GRIP2: variants seen among roughly 807,000 people sequenced by gnomAD.
GRIP2 encodes glutamate receptor-interacting protein 2.
A neutral mutation model predicts 108.3 loss-of-function variants in GRIP2; 58 were observed. That is an observed-to-expected ratio of 0.54 (90% CI 0.43 to 0.67). The LOEUF is 0.67. Among genes scored for constraint, GRIP2 ranks in the 30% least tolerant of loss-of-function variants. The pLI, the probability that GRIP2 is intolerant of heterozygous loss-of-function variation, is 0.00. For synonymous variants in GRIP2, 586 were observed against 598.2 expected (o/e 0.98, Z 0.30); for missense variants, 1,278 against 1,430.6 (o/e 0.89, Z 1.72).
chr3:14,546,625 G>C (rs1041351299), upstream of GRIP2, among the ~76,000 whole-genome samples: 2 of 152,108 alleles, frequency 1.3e-5, no homozygotes, highest in Non-Finnish European at 2.9e-5. Context: ...TGCAAAACAG[G>C]AAGAAAAAGA....
intron 11 of GRIP2, among the ~76,000 whole-genome samples, chr3:14,515,774 C>G (rs1003801466): frequency 6.6e-6 from 1 of 151,998 alleles, no homozygotes; most frequent in African/African-American, 2.4e-5. Flanking sequence ...GGATTACAGG[C>G]GTGTGCCACC....
At chr3:14,502,631 G>A (rs1428905143) in intron 21 of GRIP2, among the ~76,000 whole-genome samples, 2 of 152,256 alleles carry the variant, frequency 1.3e-5, no homozygotes, top group African/African-American at 4.8e-5. Context: ...AAGTGCATTT[G>A]CAAAATCTGG....
At chr3:14,517,308 G>C in intron 10 of GRIP2, 95 bp from the exon 11 acceptor site, 3 of 1,280,622 alleles carry the variant, frequency 2.3e-6, no homozygotes, top group Non-Finnish European at 3.2e-6. Context: ...CACAGGGAGA[G>C]ATGGGGATGC....
the GRIP2 span, among the ~76,000 whole-genome samples, chr3:14,593,293 A>G: frequency 6.6e-6 from 1 of 152,256 alleles, no homozygotes; most frequent in Non-Finnish European, 1.5e-5. Flanking sequence ...TTGCTCCAAA[A>G]GCCACTCCGA....
chr3:14,509,762 G>C, intron 17 of GRIP2, 58 bp downstream of exon 17: 1 of 1,338,530 alleles, frequency 7.5e-7, no homozygotes, highest in South Asian at 2.1e-5. Context: ...CATAGCCCCA[G>C]CTCTTGCTTC....
intron 1 of GRIP2, among the ~76,000 whole-genome samples, chr3:14,551,029 G>C (rs140052105): frequency 2.2e-3 from 336 of 152,322 alleles, no homozygotes; most frequent in African/African-American, 7.7e-3. Context: ...TGAGCGGGAG[G>C]GGGGAGGCAG....
the GRIP2 span, among the ~76,000 whole-genome samples, chr3:14,601,095 C>T: frequency 6.6e-6 from 1 of 151,756 alleles, no homozygotes. Context: ...CACACACGAA[C>T]ACACACACGA....
chr3:14,599,681 C>CTGTGTGTGTGTG, the GRIP2 span, among the ~76,000 whole-genome samples: 360 of 130,530 alleles, frequency 2.8e-3, 2 homozygotes, highest in African/African-American at 0.01. Context: ...CTCTCTCTCT[C>CTGTGTGTGTGTG]TCTCTGTGTG....
In GRIP2 at chr3:14,505,916, G is replaced by T; in HGVS notation, c.2399-127C>A. 1 of 781,362 alleles carries T rather than the reference G, an allele frequency of 1.3e-6. No individual in the cohort carries two copies. Among genetic ancestry groups the T allele is most frequent in the Non-Finnish European group, 1.9e-6 (1 of 520,490 alleles). The allele number at this position is 781,362 out of a possible 1,614,324, so 48.4% of individuals were successfully genotyped here. On this transcript the variant is annotated intron_variant, in intron 19 of 23. Transcript: ENST00000621039. This position sits in a 1 kb window ranked among gnomAD's most constrained non-coding sequence, Gnocchi z 4.2. ...TCCTCTCTGGGCCTGCATCTACACA[G>T]CCCTCTGAGGGCCTCTGCCTCTCAG... is the stretch of plus-strand genomic sequence containing the variant.
At chr3:14,513,473 G>A (rs2124893824) in intron 13 of GRIP2, among the ~76,000 whole-genome samples, 192 bp downstream of exon 13, 1 of 152,330 alleles carries the variant, frequency 6.6e-6, no homozygotes, top group South Asian at 2.1e-4. Context: ...CTCTGCAAAA[G>A]TCTCCTGGTG....
chr3:14,573,393 A>C, the GRIP2 span: 1 of 1,319,024 alleles, frequency 7.6e-7, no homozygotes, highest in Non-Finnish European at 1.1e-6. Flanking sequence ...GGTCATCTGG[A>C]AGCAGATGGA....
intron 4 of GRIP2, 151 bp downstream of exon 4, chr3:14,524,242 C>G (rs1055387695): frequency 5.9e-6 from 5 of 846,640 alleles, no homozygotes; most frequent in Middle Eastern, 3.6e-4. Context: ...TAGGCACAGC[C>G]CCTAGGCGAG....
At chr3:14,585,460 G>A in the GRIP2 span, among the ~76,000 whole-genome samples, 9 of 152,348 alleles carry the variant, frequency 5.9e-5, no homozygotes, top group South Asian at 8.3e-4. Context: ...CATTTCACAC[G>A]TAAAGGGCAG....
Position 14,511,640 on chromosome 3 carries a change from C to G in GRIP2, c.1721-161G>C, listed in dbSNP as rs1297432674. Among the ~76,000 whole-genome samples the G allele has an allele frequency of 6.6e-6, 1 of 152,190 alleles. No individual in the cohort carries two copies. Among genetic ancestry groups the G allele is most frequent in the Admixed American group, 6.5e-5 (1 of 15,276 alleles). On this transcript the variant is annotated intron_variant, in intron 14 of 23. Coordinates refer to ENST00000621039, the MANE Select transcript of GRIP2 (RefSeq NM_001080423.4). The surrounding 1 kb of genome is among the most constrained non-coding windows in gnomAD (Gnocchi z 4.1). ...GACCGTGAGCAAATCAGCTCACCTC[C>G]CTGTGCATCAGTTTCCCCCCTGTAA...
chr3:14,599,465 C>G, the GRIP2 span, among the ~76,000 whole-genome samples: 3 of 152,116 alleles, frequency 2.0e-5, no homozygotes, highest in African/African-American at 7.2e-5. Flanking sequence ...CTCCACACTC[C>G]CTAAGCACTG....
At chr3:14,494,822 G>A (rs1693536348) in intron 23 of GRIP2, 21 bp downstream of exon 23, 1 of 1,604,544 alleles carries the variant, frequency 6.2e-7, no homozygotes. Flanking sequence ...CCCCACTATG[G>A]AGCCCCTGCC....
At chr3:14,525,668 G>A (rs1694534992) in intron 2 of GRIP2, 96 bp from the exon 3 acceptor site, 12 of 1,454,784 alleles carry the variant, frequency 8.2e-6, no homozygotes, top group Non-Finnish European at 1.0e-5. Context: ...GGTTGGTAGG[G>A]CACTCTGCTG....
At chr3:14,501,463 A>T (rs1177731827) in intron 21 of GRIP2, among the ~76,000 whole-genome samples, 5 of 152,250 alleles carry the variant, frequency 3.3e-5, no homozygotes, top group Non-Finnish European at 7.3e-5. Context: ...AGCATGGATT[A>T]GACATTGGTT....
chr3:14,509,971 G>A lies in GRIP2; in HGVS notation c.1934-7C>T, dbSNP rs528341341. On this transcript the variant is annotated splice_polypyrimidine_tract_variant and splice_region_variant and intron_variant, in intron 16 of 23. Coordinates refer to ENST00000621039, the MANE Select transcript of GRIP2 (RefSeq NM_001080423.4). ...CCTGTGGTCTCCAGCTCATCTGCAA[G>A]CACGGGGACCCATGAGGAGGAGGCC... The A allele has an allele frequency of 6.3e-5, 93 of 1,483,494 alleles. No homozygotes were observed. Among genetic ancestry groups the A allele is most frequent in the Middle Eastern group, 1.7e-4 (1 of 5,722 alleles). 91.9% of individuals were successfully genotyped at this position (1,483,494 alleles called of 1,614,324 possible). A position where few individuals can be genotyped will look rare whatever the true frequency, so the allele number is the denominator to read the frequency against.
Sources: gnomAD v4.1 joint callset for allele counts (sites outside exome capture counted in the v4.1 genomes callset) on GRCh38, gnomAD v4.1.1 for gene constraint, Gnocchi (gnomAD v3.1) non-coding constraint, MANE v1.5 for transcripts, NCBI Gene and HGNC (gene_info 2026-07-23, HGNC 2026-07-21) for gene names.